BCAN: variants seen among roughly 807,000 people sequenced by gnomAD.
The protein encoded by BCAN is brevican, also known as brevican core protein.
A neutral mutation model predicts 92.4 loss-of-function variants in BCAN; 51 were observed. That is an observed-to-expected ratio of 0.55 (90% CI 0.44 to 0.70). The LOEUF is 0.70. BCAN is among the 30% of genes least tolerant of loss of function. BCAN has a pLI of 0.00. For missense variants in BCAN, 1,140 were observed against 1,212.1 expected (o/e 0.94, Z 0.88); for synonymous variants, 501 against 505.2 (o/e 0.99, Z 0.11).
chr1:156,646,488 G>C (rs1678966819), intron 2 of BCAN: 1 of 505,480 alleles, frequency 2.0e-6, no homozygotes, highest in African/African-American at 1.9e-5. Flanking sequence ...AGGGGGCGAG[G>C]TTGGAGGACC....
At chr1:156,648,503 A>G in intron 5 of BCAN, 65 bp from the exon 6 acceptor site, 2 of 1,493,958 alleles carry the variant, frequency 1.3e-6, no homozygotes, top group Non-Finnish European at 1.8e-6. Context: ...CAGGGTTCCC[A>G]TGGGAGACCA....
At position 156,657,742 on chromosome 1, in the gene BCAN, G is replaced by C. The variant is rs375187017; in HGVS notation, c.2277G>C (p.Ser759=). 3 of 1,612,110 alleles carry C rather than the reference G, an allele frequency of 1.9e-6. No individual in the cohort carries two copies. The highest frequency in any genetic ancestry group is 1.7e-6 in the Non-Finnish European group (2 of 1,179,282). Residue 759 remains serine (S), a synonymous_variant, in exon 11 of 14, where the codon TCG becomes TCC. Transcript: ENST00000329117. ...CCATCGAAGGCGACTTCTTGTGGTC[G>C]GATGGCGTCCCCCTGGTGAGAGGCC... is the stretch of plus-strand genomic sequence containing the variant. The part of the protein sequence containing the change: ...DRTIEGDFLW[S]DGVPLLYENW...
At chr1:156,650,817 C>G (rs903343394) in intron 6 of BCAN, among the ~76,000 whole-genome samples, 2 of 152,192 alleles carry the variant, frequency 1.3e-5, no homozygotes, top group Non-Finnish European at 2.9e-5. Flanking sequence ...GTGGCACATG[C>G]CTGTAGTCCC....
At chr1:156,653,771 A>G (rs984489103) in intron 8 of BCAN, among the ~76,000 whole-genome samples, 2 of 152,072 alleles carry the variant, frequency 1.3e-5, no homozygotes, top group African/African-American at 4.8e-5. Context: ...CATCATCCAT[A>G]GTCTGAGGCA....
chr1:156,646,288 G>C (rs1034312822), intron 2 of BCAN, 143 bp downstream of exon 2: 2 of 774,342 alleles, frequency 2.6e-6, no homozygotes, highest in Admixed American at 5.4e-5. Context: ...TAAGGGCTGA[G>C]CTGTGAGCAT....
chr1:156,647,025 T>C lies in BCAN; in HGVS notation c.316T>C (p.Phe106Leu). The C allele has an allele frequency of 3.1e-6, 5 of 1,612,782 alleles. No homozygotes were observed. Among genetic ancestry groups the C allele is most frequent in the East Asian group, 4.5e-5 (2 of 44,840 alleles). Residue 106 changes from phenylalanine (F) to leucine (L), a missense_variant, in exon 3 of 14, where the codon TTC becomes CTC. Coordinates refer to ENST00000329117, the MANE Select transcript of BCAN (RefSeq NM_021948.5). The surrounding 1 kb of genome is among the most constrained non-coding windows in gnomAD (Gnocchi z 4.8). Reference protein sequence around the residue: ...VRVKVNEAYRFRVALPAYPAS... With the variant: ...VRVKVNEAYRLRVALPAYPAS... Reference sequence around the variant, plus strand: ...CGTCAAGGTGAACGAGGCCTACCGGTTCCGCGTGGCACTGCCTGCGTACCC... The same window carrying C: ...CGTCAAGGTGAACGAGGCCTACCGGCTCCGCGTGGCACTGCCTGCGTACCC...
intron 2 of BCAN, among the ~76,000 whole-genome samples, chr1:156,646,346 G>A (rs1467206952): frequency 1.3e-5 from 2 of 152,208 alleles, no homozygotes; most frequent in South Asian, 2.1e-4. Context: ...AGGGCACTGG[G>A]TGCAAGGCTT....
Position 156,655,465 on chromosome 1 carries a change from C to T in BCAN, c.1943-817C>T, listed in dbSNP as rs565772894. Among the ~76,000 whole-genome samples, 45 of 152,138 alleles carry T rather than the reference C, an allele frequency of 3.0e-4. No individual in the cohort carries two copies. The Middle Eastern group carries it at 0.014, about 46-fold the overall frequency. On this transcript the variant is annotated intron_variant, in intron 8 of 13. Transcript: ENST00000329117. ...CCCAAAGTGGAGTTGGGAGAGGGAG[C>T]CTGGTAAGTGGAAGAGTCTGTGGAT...
chr1:156,653,260 C>T, intron 8 of BCAN: 9 of 1,195,350 alleles, frequency 7.5e-6, no homozygotes, highest in Non-Finnish European at 9.4e-6. Flanking sequence ...TTTTCCACTA[C>T]TCCCTTCATC....
intron 9 of BCAN, 67 bp downstream of exon 9, chr1:156,656,456 G>A (rs1029964380): frequency 8.3e-7 from 1 of 1,204,956 alleles, no homozygotes. Context: ...ACTTCTGGAG[G>A]GGGGAGGGAG....
rs367765766 is a variant in BCAN, at chr1:156,657,050, G to T, written c.2163G>T (p.Ala721=). 14 of 1,614,086 alleles carry T rather than the reference G, an allele frequency of 8.7e-6. No individual in the cohort carries two copies. In the South Asian group the frequency reaches 8.8e-5, roughly 10 times the overall value. ...EAETQCRMYG[A]HLASISTPEE... is the part of the protein sequence containing the mutation. ...AGACCCAGTGCCGGATGTACGGCGC[G>T]CATCTGGCCAGCATCAGCACACCCG... is the stretch of plus-strand genomic sequence containing the variant. The change falls in exon 10 of 14, where the codon GCG becomes GCT. Residue 721 remains alanine, a synonymous_variant. Transcript: ENST00000329117.
In BCAN at chr1:156,658,141, G is replaced by C. The variant is rs1038201877; in HGVS notation, c.2307G>C (p.Trp769Cys). 5.0e-6 allele frequency: 8 copies of C among 1,613,956 alleles called. No homozygotes were observed. The highest frequency in any genetic ancestry group is 5.9e-6 in the Non-Finnish European group (7 of 1,179,942). Residue 769 changes from tryptophan (W) to cysteine (C), a missense_variant, in exon 12 of 14, where the codon TGG (tryptophan) becomes TGC (cysteine). Coordinates refer to ENST00000329117, the MANE Select transcript of BCAN (RefSeq NM_021948.5). The surrounding 1 kb of genome is among the most constrained non-coding windows in gnomAD (Gnocchi z 4.4). ...SDGVPLLYEN[W>C]NPGQPDSYFL... The stretch of plus-strand genomic sequence containing the variant: ...CGTTCCCCCAGCTCTATGAGAACTG[G>C]AACCCTGGGCAGCCTGACAGCTACT...
At position 156,652,189 on chromosome 1, in the gene BCAN, T is replaced by C. The variant is rs781468891; in HGVS notation, c.1298-59T>C. The C allele has an allele frequency of 6.6e-6, 10 of 1,525,058 alleles. No individual in the cohort carries two copies. In the East Asian group the frequency reaches 6.8e-5, roughly 10 times the overall value. The allele number at this position is 1,525,058 out of a possible 1,614,324, so 94.5% of individuals were successfully genotyped here. A position where few individuals can be genotyped will look rare whatever the true frequency, so the allele number is the denominator to read the frequency against. On this transcript the variant is annotated intron_variant, in intron 7 of 13. Coordinates refer to ENST00000329117, the MANE Select transcript of BCAN (RefSeq NM_021948.5). ...CCCTACTTTTCTCCCCTTCCCTTTTTCCTTTCGGTCCTTGGACAGACGCTG... is the reference window on the plus strand; with the variant it reads ...CCCTACTTTTCTCCCCTTCCCTTTTCCCTTTCGGTCCTTGGACAGACGCTG...
intron 8 of BCAN, chr1:156,653,323 G>A: frequency 1.9e-6 from 2 of 1,063,888 alleles, no homozygotes; most frequent in South Asian, 8.7e-5. Context: ...GGGAAGCCTG[G>A]GAGTCCCTTC....
chr1:156,645,189 C>T (rs896787483), intron 1 of BCAN, among the ~76,000 whole-genome samples: 1 of 152,180 alleles, frequency 6.6e-6, no homozygotes, highest in East Asian at 1.9e-4. Flanking sequence ...CCTTAGTCCA[C>T]CCTCCAGCCC....
chr1:156,646,281 G>A lies in BCAN; in HGVS notation c.91+136G>A, dbSNP rs775647704. ...TCCAGGCTGGAACACTTGGAAATAA[G>A]GGCTGAGCTGTGAGCATCTGGTGGG... On this transcript the variant is annotated intron_variant, in intron 2 of 13. Transcript: ENST00000329117. 3.7e-6 allele frequency: 3 copies of A among 804,484 alleles called. No homozygotes were observed. The Admixed American group carries it at 8.0e-5, about 21-fold the overall frequency. 49.8% of individuals were successfully genotyped at this position (804,484 alleles called of 1,614,324 possible).
chr1:156,653,119 A>C, intron 8 of BCAN: 1 of 1,417,534 alleles, frequency 7.1e-7, no homozygotes, highest in Non-Finnish European at 9.2e-7. Flanking sequence ...CAGCCCCGCC[A>C]CTGACCATCT....
intron 6 of BCAN, 124 bp downstream of exon 6, chr1:156,648,985 G>C: frequency 8.6e-7 from 1 of 1,156,104 alleles, no homozygotes; most frequent in Non-Finnish European, 1.2e-6. Context: ...GTGGTCGTGG[G>C]TGAAGTCCAG....
At chr1:156,654,020 T>C (rs1679260068) in intron 8 of BCAN, among the ~76,000 whole-genome samples, 1 of 152,132 alleles carries the variant, frequency 6.6e-6, no homozygotes, top group South Asian at 2.1e-4. Context: ...TCCCACTACC[T>C]ACAACTTCCG....
Sources: gnomAD v4.1 joint callset for allele counts (sites outside exome capture counted in the v4.1 genomes callset) on GRCh38, gnomAD v4.1.1 for gene constraint, Gnocchi (gnomAD v3.1) non-coding constraint, MANE v1.5 for transcripts, NCBI Gene and HGNC (gene_info 2026-07-23, HGNC 2026-07-21) for gene names.